The following APAF1 variants were observed in gnomAD, a reference collection of about 807,000 sequenced individuals.
The protein encoded by APAF1 is apoptotic peptidase activating factor 1, also known as apoptotic protease-activating factor 1.
A neutral mutation model predicts 152.4 loss-of-function variants in APAF1; 91 were observed. That is an observed-to-expected ratio of 0.60 (90% CI 0.50 to 0.71). APAF1 has a LOEUF of 0.71. Among genes scored for constraint, APAF1 ranks in the 30% least tolerant of loss-of-function variants. The pLI, the probability that APAF1 is intolerant of heterozygous loss-of-function variation, is 0.00. For missense variants in APAF1, 1,283 were observed against 1,472.0 expected (o/e 0.87, Z 2.10); for synonymous variants, 484 against 494.1 (o/e 0.98, Z 0.27).
At chr12:98,714,865 C>A (rs1338959723) in intron 21 of APAF1, among the ~76,000 whole-genome samples, 1 of 134,664 alleles carries the variant, frequency 7.4e-6, no homozygotes, top group Non-Finnish European at 1.6e-5. Context: ...TTGACATAGT[C>A]ATTATCTTTT....
intron 14 of APAF1, among the ~76,000 whole-genome samples, chr12:98,681,136 A>G (rs543772379): frequency 2.0e-5 from 3 of 152,310 alleles, no homozygotes; most frequent in East Asian, 3.9e-4. Flanking sequence ...ATCTCGGCTC[A>G]CTGCAATCTC....
chr12:98,691,607 T>C (rs1404329741), intron 16 of APAF1, among the ~76,000 whole-genome samples: 1 of 152,198 alleles, frequency 6.6e-6, no homozygotes. Flanking sequence ...TCAATTTTTT[T>C]TGTAGTCTAA....
At chr12:98,683,354 T>C (rs1257584238) in intron 15 of APAF1, 80 bp downstream of exon 15, 6 of 1,359,976 alleles carry the variant, frequency 4.4e-6, no homozygotes, top group Non-Finnish European at 6.3e-6. Context: ...TTATGTATAC[T>C]ACTATTAGGA....
intron 16 of APAF1, among the ~76,000 whole-genome samples, chr12:98,696,451 A>G (rs2153332370): frequency 6.6e-6 from 1 of 152,336 alleles, no homozygotes; most frequent in Non-Finnish European, 1.5e-5. Context: ...CACCCCCATG[A>G]CCCAGACACC....
At chr12:98,654,047 T>A (rs1037298660) in intron 4 of APAF1, among the ~76,000 whole-genome samples, 5 of 152,092 alleles carry the variant, frequency 3.3e-5, no homozygotes, top group Non-Finnish European at 7.4e-5. Context: ...AATTAGTTTC[T>A]CTGAGTGAAT....
chr12:98,701,252 C>A (rs928591259), intron 17 of APAF1, among the ~76,000 whole-genome samples: 1 of 152,098 alleles, frequency 6.6e-6, no homozygotes, highest in Non-Finnish European at 1.5e-5. Flanking sequence ...ACATTTTTTT[C>A]ATCCATTCAT....
chr12:98,717,692 T>C (rs1374022509), intron 22 of APAF1, among the ~76,000 whole-genome samples: 5 of 152,090 alleles, frequency 3.3e-5, no homozygotes, highest in Non-Finnish European at 7.4e-5. Flanking sequence ...TATAATTTTT[T>C]CCCCATAAAT....
chr12:98,703,630 T>C, intron 18 of APAF1, 131 bp downstream of exon 18: 2 of 1,106,012 alleles, frequency 1.8e-6, no homozygotes, highest in East Asian at 2.4e-5. Context: ...CTTTATAGCC[T>C]AATGACCTCT....
intron 4 of APAF1, among the ~76,000 whole-genome samples, chr12:98,655,845 G>A (rs1328432603): frequency 2.0e-5 from 3 of 151,252 alleles, no homozygotes; most frequent in Non-Finnish European, 2.9e-5. Flanking sequence ...GTGCAGTGGC[G>A]CGGTCTCGGC....
chr12:98,680,373 G>T lies in APAF1; in HGVS notation c.2017G>T (p.Ala673Ser). Residue 673 changes from alanine to serine, a missense_variant, in exon 14 of 27, where the codon GCA becomes TCA. Coordinates refer to ENST00000551964, the MANE Select transcript of APAF1 (RefSeq NM_181861.2). ...CAFSTDDRFI[A>S]TCSVDKKVKI... ...ATTCTCTACAGATGACAGATTTATA[G>T]CAACCTGCTCAGTGGATAAAAAAGT... 6.2e-7 allele frequency: 1 copy of T among 1,613,726 alleles called. No individual in the cohort carries two copies. The highest frequency in any genetic ancestry group is 8.5e-7 in the Non-Finnish European group (1 of 1,179,964).
chr12:98,649,516 C>T lies in APAF1; in HGVS notation c.358C>T (p.Pro120Ser). ...VRTVLCEGGV[P>S]QRPVVFVTRK... ...GACAGTCCTGTGTGAAGGTGGAGTA[C>T]CACAGAGGCCAGTTGTTTTTGTCAC... Residue 120 changes from proline to serine, a missense_variant, in exon 4 of 27, where the codon CCA (proline) becomes TCA (serine). Physicochemically the swap from Pro to Ser is moderately conservative, Grantham distance 74 (BLOSUM62 -1). Coordinates refer to ENST00000551964, the MANE Select transcript of APAF1 (RefSeq NM_181861.2). 6.2e-7 allele frequency: 1 copy of T among 1,614,122 alleles called. No homozygotes were observed. The highest frequency in any genetic ancestry group is 8.5e-7 in the Non-Finnish European group (1 of 1,179,996).
At chr12:98,668,058 A>G (rs2097675606) in intron 10 of APAF1, among the ~76,000 whole-genome samples, 1 of 152,188 alleles carries the variant, frequency 6.6e-6, no homozygotes, top group Admixed American at 6.5e-5. Flanking sequence ...TGTTAGGAGT[A>G]CAGGCATGAG....
At chr12:98,670,106 G>A (rs569325493) in intron 10 of APAF1, among the ~76,000 whole-genome samples, 10 of 151,964 alleles carry the variant, frequency 6.6e-5, no homozygotes, top group African/African-American at 2.2e-4. Context: ...CACCACACCC[G>A]GCTAATTTTT....
intron 22 of APAF1, among the ~76,000 whole-genome samples, chr12:98,721,055 A>G (rs538707683): frequency 6.6e-6 from 1 of 152,358 alleles, no homozygotes; most frequent in South Asian, 2.1e-4. Flanking sequence ...GTATATATAC[A>G]TTGCAAAAAT....
intron 13 of APAF1, among the ~76,000 whole-genome samples, chr12:98,678,816 T>A (rs2097689267): frequency 6.6e-6 from 1 of 152,212 alleles, no homozygotes; most frequent in South Asian, 2.1e-4. Context: ...CTTGGGGCAG[T>A]GCTGACATGC....
intron 12 of APAF1, among the ~76,000 whole-genome samples, chr12:98,673,901 T>G (rs749234735): frequency 1.3e-5 from 2 of 152,152 alleles, no homozygotes; most frequent in African/African-American, 2.4e-5. Context: ...CTTGGAAAAA[T>G]GAGGAATTCA....
chr12:98,704,298 T>G (rs2097719003), intron 18 of APAF1, among the ~76,000 whole-genome samples: 1 of 152,162 alleles, frequency 6.6e-6, no homozygotes. Context: ...GCTTTCTTAG[T>G]CTTCATTCCT....
chr12:98,667,605 C>A lies in APAF1; in HGVS notation c.1455C>A (p.Asn485Lys). ...PDQEDCMYWY[N>K]FLAYHMASAK... is the part of the protein sequence containing the mutation. ...AGGAAGACTGTATGTATTGGTACAA[C>A]TTTCTGGCCTATCACATGGCCAGTG... The change falls in exon 10 of 27, where the codon AAC (asparagine) becomes AAA (lysine). Residue 485 changes from asparagine to lysine, a missense_variant. Asn to Lys is a moderately conservative substitution (Grantham distance 94). Coordinates refer to ENST00000551964, the MANE Select transcript of APAF1 (RefSeq NM_181861.2). 1 of 1,613,996 alleles carries A rather than the reference C, an allele frequency of 6.2e-7. No individual in the cohort carries two copies. Among genetic ancestry groups the A allele is most frequent in the Non-Finnish European group, 8.5e-7 (1 of 1,179,980 alleles).
intron 4 of APAF1, among the ~76,000 whole-genome samples, chr12:98,656,646 C>T: frequency 6.6e-6 from 1 of 152,202 alleles, no homozygotes; most frequent in East Asian, 1.9e-4. Flanking sequence ...CCTCTGTGAG[C>T]AGGAAACTCT....
Sources: allele counts gnomAD v4.1 joint callset (sites outside exome capture counted in the v4.1 genomes callset), GRCh38; gene constraint gnomAD v4.1.1; transcripts MANE v1.5; gene names NCBI Gene and HGNC (gene_info 2026-07-23, HGNC 2026-07-21).